The following LDB3 variants were observed in gnomAD, a reference collection of about 807,000 sequenced individuals.
The protein encoded by LDB3 is LIM domain-binding protein 3.
LDB3 carries 49 observed loss-of-function variants against 69.0 expected under a neutral mutation model. The observed-to-expected ratio is 0.71, with a 90% confidence interval of 0.56 to 0.90. The LOEUF (loss-of-function observed/expected upper bound fraction) is 0.90. Among genes scored for constraint, LDB3 ranks in the 40% least tolerant of loss-of-function variants. The pLI is 0.00. For synonymous variants in LDB3, 387 were observed against 396.2 expected (o/e 0.98, Z 0.28); for missense variants, 928 against 974.1 (o/e 0.95, Z 0.63).
At chr10:86,676,805 C>A (rs1844819940) in intron 2 of LDB3, among the ~76,000 whole-genome samples, 1 of 152,214 alleles carries the variant, frequency 6.6e-6, no homozygotes, top group African/African-American at 2.4e-5. Context: ...GACTGCAGGG[C>A]ATCCTGGTTT....
intron 5 of LDB3, among the ~76,000 whole-genome samples, chr10:86,690,106 G>A (rs1845688179): frequency 6.6e-6 from 1 of 152,126 alleles, no homozygotes; most frequent in African/African-American, 2.4e-5. Context: ...GCTCCTCCTG[G>A]GCACATTCCA....
At chr10:86,685,038 G>A (rs1326385686) in intron 5 of LDB3, among the ~76,000 whole-genome samples, 1 of 152,206 alleles carries the variant, frequency 6.6e-6, no homozygotes, top group Non-Finnish European at 1.5e-5. Flanking sequence ...GGCCCAAGGG[G>A]CCTTTAGGAG....
chr10:86,695,880 A>C (rs1845973680), intron 7 of LDB3, among the ~76,000 whole-genome samples: 1 of 152,208 alleles, frequency 6.6e-6, no homozygotes, highest in Admixed American at 6.5e-5. Context: ...GATGTAGCCC[A>C]GCATGTAACC....
At chr10:86,671,655 A>C (rs994036461) in intron 2 of LDB3, among the ~76,000 whole-genome samples, 1 of 152,218 alleles carries the variant, frequency 6.6e-6, no homozygotes, top group Non-Finnish European at 1.5e-5. Flanking sequence ...CTGCCCTGGC[A>C]GCTGGCCAGA....
intron 9 of LDB3, among the ~76,000 whole-genome samples, chr10:86,713,880 G>A (rs1846763782): frequency 6.6e-6 from 1 of 152,182 alleles, no homozygotes; most frequent in Non-Finnish European, 1.5e-5. Flanking sequence ...ATAGACCTCA[G>A]TCTCAGGTTA....
chr10:86,689,029 A>G (rs1452713543), intron 5 of LDB3, among the ~76,000 whole-genome samples: 2 of 133,908 alleles, frequency 1.5e-5, no homozygotes, highest in Non-Finnish European at 3.3e-5. Flanking sequence ...TGAGCTGACC[A>G]TGCTGTGGTG....
In LDB3 at chr10:86,706,947, T is replaced by C. The variant is rs555780657; in HGVS notation, c.1085+228T>C. ...TGTCACTCTGCCCCCCAGGGACACA[T>C]ACACCGGTGAGAGAGGTAACAGTGT... On this transcript the variant is annotated intron_variant, in intron 8 of 13. Coordinates refer to ENST00000361373, the MANE Select transcript of LDB3 (RefSeq NM_007078.3). Among the ~76,000 whole-genome samples the C allele has an allele frequency of 7.9e-5, 12 of 152,244 alleles. No individual in the cohort carries two copies. The East Asian group carries it at 2.3e-3, about 29-fold the overall frequency.
intron 7 of LDB3, among the ~76,000 whole-genome samples, chr10:86,700,911 T>C (rs1004478231): frequency 2.0e-5 from 3 of 152,366 alleles, no homozygotes; most frequent in East Asian, 3.9e-4. Context: ...AAGCAGATGC[T>C]GAGGCCCAGC....
intron 5 of LDB3, chr10:86,687,217 G>T: frequency 6.2e-7 from 1 of 1,614,204 alleles, no homozygotes; most frequent in Non-Finnish European, 8.5e-7. Flanking sequence ...TTCCCAGGAT[G>T]CCATCATGGA....
chr10:86,693,049 C>T (rs1845842031), intron 7 of LDB3, among the ~76,000 whole-genome samples: 1 of 152,100 alleles, frequency 6.6e-6, no homozygotes, highest in Admixed American at 6.5e-5. Flanking sequence ...ATTGAGGTAC[C>T]AGTTCTGTAA....
intron 7 of LDB3, among the ~76,000 whole-genome samples, chr10:86,701,593 G>A (rs1035765907): frequency 5.3e-5 from 8 of 152,234 alleles, no homozygotes; most frequent in African/African-American, 9.7e-5. Flanking sequence ...GGGCCGATGC[G>A]GCTGTGTTCC....
intron 7 of LDB3, among the ~76,000 whole-genome samples, chr10:86,696,132 C>G (rs558357322): frequency 1.4e-4 from 22 of 152,326 alleles, no homozygotes; most frequent in African/African-American, 4.8e-4. Context: ...GATGCCAGGG[C>G]TCACTGGCTC....
chr10:86,729,657 G>A (rs1345015291), intron 13 of LDB3, among the ~76,000 whole-genome samples: 1 of 152,138 alleles, frequency 6.6e-6, no homozygotes, highest in African/African-American at 2.4e-5. Flanking sequence ...GTGGGCAGAA[G>A]GCCTCCTCCA....
chr10:86,728,766 G>C (rs1211665572), intron 13 of LDB3, among the ~76,000 whole-genome samples: 2 of 151,804 alleles, frequency 1.3e-5, no homozygotes, highest in African/African-American at 4.8e-5. Flanking sequence ...ATTTTTAGTA[G>C]AGACGGGGTT....
rs576494113 is a variant in LDB3 at position 86,710,096 on chromosome 10, G to A, written c.1231+46G>A. On this transcript the variant is annotated intron_variant, in intron 9 of 13. Transcript: ENST00000361373. ...GGAGGCTGTCGAAAGCCATGGGCGG[G>A]CTCCAGGAGCCACAAGAGCCAAGAA... 3.4e-5 allele frequency: 55 copies of A among 1,602,016 alleles called. No homozygotes were observed. The East Asian group carries it at 8.3e-4, about 24-fold the overall frequency.
At chr10:86,674,740 G>C (rs974489213) in intron 2 of LDB3, among the ~76,000 whole-genome samples, 1 of 152,160 alleles carries the variant, frequency 6.6e-6, no homozygotes, top group Non-Finnish European at 1.5e-5. Context: ...TGGGTGCTTT[G>C]GGCCCTTTCT....
intron 2 of LDB3, among the ~76,000 whole-genome samples, chr10:86,677,078 A>G (rs965318204): frequency 2.0e-5 from 3 of 152,196 alleles, no homozygotes; most frequent in African/African-American, 7.2e-5. Context: ...GCTGGTGGGC[A>G]TGTTTGGGAG....
At position 86,716,205 on chromosome 10, in the gene LDB3, A is replaced by C. The variant is rs1193367296; in HGVS notation, c.1232-122A>C. On this transcript the variant is annotated intron_variant, in intron 9 of 13. Transcript: ENST00000361373. ...GTTCAGGAACAAGTCTCCCAAAAAA[A>C]CTGAAATTGTACTGCTCTAATGTTA... The C allele has an allele frequency of 1.8e-5, 21 of 1,187,234 alleles. No individual in the cohort carries two copies. In the Admixed American group the frequency reaches 3.6e-4, roughly 20 times the overall value. The allele number at this position is 1,187,234 out of a possible 1,614,324, so 73.5% of individuals were successfully genotyped here. A position where few individuals can be genotyped will look rare whatever the true frequency, so the allele number is the denominator to read the frequency against.
At chr10:86,671,617 C>CCCA (rs1485928776) in intron 2 of LDB3, among the ~76,000 whole-genome samples, 1 of 152,168 alleles carries the variant, frequency 6.6e-6, no homozygotes, top group Non-Finnish European at 1.5e-5. Flanking sequence ...GGGGGAGCAG[C>CCCA]CCAGAGAGGG....
Sources: allele counts gnomAD v4.1 joint callset (sites outside exome capture counted in the v4.1 genomes callset), GRCh38; gene constraint gnomAD v4.1.1; transcripts MANE v1.5; gene names NCBI Gene and HGNC (gene_info 2026-07-23, HGNC 2026-07-21).